PKD2L2: variants seen among roughly 807,000 people sequenced by gnomAD.
The protein encoded by PKD2L2 is polycystin-2-like protein 2.
PKD2L2 carries 67 observed loss-of-function variants against 83.9 expected under a neutral mutation model. The observed-to-expected ratio is 0.80, with a 90% CI of 0.66 to 0.98. The LOEUF (loss-of-function observed/expected upper bound fraction) is 0.98. Ranked by LOEUF, PKD2L2 falls within the 50% of genes least tolerant of loss-of-function variation. The pLI is 0.00. For synonymous variants in PKD2L2, 223 were observed against 237.8 expected, an observed-to-expected ratio of 0.94 and a Z score of 0.57; for missense variants, 632 against 717.2, an observed-to-expected ratio of 0.88 and a Z score of 1.36.
chr5:137,898,851 C>G (rs1265999847), intron 4 of PKD2L2, among the ~76,000 whole-genome samples: 1 of 152,068 alleles, frequency 6.6e-6, no homozygotes, highest in Non-Finnish European at 1.5e-5. Context: ...GCTTCAGACT[C>G]CTGAATAACG....
At position 137,906,207 on chromosome 5, in the gene PKD2L2, T is replaced by C. The variant is rs1295436551; in HGVS notation, c.748T>C (p.Leu250=). The C allele has an allele frequency of 5.7e-6, 9 of 1,585,446 alleles. No individual in the cohort carries two copies. The Admixed American group carries it at 8.7e-5, about 15-fold the overall frequency. ...GCTTTCACAAACCTGATTTTACAGA[T>C]TGGTGGCAGAATTCCCTGCAACTGG... ...ANVNLFCIIR[L]VAEFPATGGI... Residue 250 remains leucine (L), a splice_region_variant and synonymous_variant, in exon 6 of 15, where the codon TTG becomes CTG. Coordinates refer to ENST00000508883, the MANE Select transcript of PKD2L2 (RefSeq NM_001300921.2).
At chr5:137,915,133 C>A (rs545994155) in intron 8 of PKD2L2, among the ~76,000 whole-genome samples, 174 of 152,204 alleles carry the variant, frequency 1.1e-3, no homozygotes, top group Non-Finnish European at 1.5e-3. Flanking sequence ...ATGATAGCCA[C>A]GTAAAATGAG....
At chr5:137,891,322 C>A (rs926564304) in intron 2 of PKD2L2, among the ~76,000 whole-genome samples, 6 of 151,962 alleles carry the variant, frequency 3.9e-5, no homozygotes, top group Non-Finnish European at 8.8e-5. Flanking sequence ...TAAAATTAGC[C>A]AGGTGTGGTG....
intron 12 of PKD2L2, among the ~76,000 whole-genome samples, chr5:137,930,664 TAAAA>T (rs554720958): frequency 1.2e-5 from 1 of 84,688 alleles, no homozygotes. Flanking sequence ...AGACTCCATC[TAAAA>T]AAAAAAAAAA....
chr5:137,933,457 C>T (rs189822516), intron 12 of PKD2L2, among the ~76,000 whole-genome samples: 98 of 152,268 alleles, frequency 6.4e-4, no homozygotes, highest in African/African-American at 2.2e-3. Context: ...TAGCCACCAC[C>T]AGTATTCCTT....
intron 14 of PKD2L2, among the ~76,000 whole-genome samples, chr5:137,941,054 C>T (rs1249282075): frequency 6.6e-6 from 1 of 152,018 alleles, no homozygotes; most frequent in African/African-American, 2.4e-5. Context: ...TACAGGTGCC[C>T]GCCACCACGC....
rs1561678939 is a variant in PKD2L2, at chr5:137,899,684, T to G, written c.693T>G (p.Ile231Met). The change falls in exon 5 of 15, where the codon ATT (isoleucine) becomes ATG (methionine). Residue 231 changes from isoleucine (I) to methionine (M), a missense_variant. Ile to Met is a conservative substitution (Grantham distance 10, BLOSUM62 1). Transcript: ENST00000508883. ...GGATCACAAGAGGGACTAGAGTTAT[T>G]TTTATTGATTTTTCCTTATATAATG... is the stretch of plus-strand genomic sequence containing the variant. ...NSWITRGTRV[I>M]FIDFSLYNAN... 1 of 1,612,528 alleles carries G rather than the reference T, an allele frequency of 6.2e-7. No homozygotes were observed. The highest frequency in any genetic ancestry group is 1.3e-5 in the African/African-American group (1 of 75,018).
At position 137,921,556 on chromosome 5, in the gene PKD2L2, T is replaced by G; in HGVS notation, c.1329-80T>G. 4 of 856,712 alleles carry G rather than the reference T, an allele frequency of 4.7e-6. No individual in the cohort carries two copies. In the South Asian group the frequency reaches 4.7e-5, roughly 10 times the overall value. 53.1% of individuals were successfully genotyped at this position (856,712 alleles called of 1,614,324 possible). On this transcript the variant is annotated intron_variant, in intron 8 of 14. Transcript: ENST00000508883. ...ATACCATATGCTGCTAGATATCCTC[T>G]TAGAGACATTAGTAACTCCCATCAG...
chr5:137,922,951 A>G (rs1759046788), intron 9 of PKD2L2, among the ~76,000 whole-genome samples: 1 of 151,182 alleles, frequency 6.6e-6, no homozygotes, highest in Admixed American at 6.6e-5. Context: ...CCCATTTTTG[A>G]GCATATGGGT....
rs200807702 is a variant in PKD2L2 at position 137,894,461 on chromosome 5, C to T, written c.376C>T (p.Leu126=). The change falls in exon 4 of 15, where the codon CTA becomes TTA. Residue 126 remains leucine (L), a synonymous_variant. Coordinates refer to ENST00000508883, the MANE Select transcript of PKD2L2 (RefSeq NM_001300921.2). The stretch of plus-strand genomic sequence containing the variant: ...TCGCATCTACTATGAAAATATACTT[C>T]TAGGAGTTCCCAGAGTTCGTCAACT... The part of the protein sequence containing the change: ...SSRIYYENIL[L]GVPRVRQLKV... 9.3e-5 allele frequency: 150 copies of T among 1,613,768 alleles called. No individual in the cohort carries two copies. The highest frequency in any genetic ancestry group is 1.2e-4 in the Non-Finnish European group (137 of 1,179,782).
intron 8 of PKD2L2, among the ~76,000 whole-genome samples, chr5:137,913,134 C>T (rs1757993311): frequency 6.6e-6 from 1 of 150,922 alleles, no homozygotes; most frequent in Non-Finnish European, 1.5e-5. Flanking sequence ...CTCAACCTCC[C>T]AAAGTGCTGG....
In PKD2L2 at chr5:137,890,752, A is replaced by G. The variant is rs183245239; in HGVS notation, c.133+170A>G. On this transcript the variant is annotated intron_variant, in intron 2 of 14. Transcript: ENST00000508883. The stretch of plus-strand genomic sequence containing the variant: ...AAATTCATTTAGATTCATTTCATTT[A>G]GAAATTGACTATTTTCAGTTCTTAA... Among the ~76,000 whole-genome samples, 372 of 152,374 alleles carry G rather than the reference A, an allele frequency of 2.4e-3. 1 individual carries two copies. The highest frequency in any genetic ancestry group is 8.5e-3 in the African/African-American group (353 of 41,588).
chr5:137,892,909 A>C (rs1234094537), intron 3 of PKD2L2, among the ~76,000 whole-genome samples: 1 of 152,100 alleles, frequency 6.6e-6, no homozygotes, highest in African/African-American at 2.4e-5. Context: ...GGAGTTCAAG[A>C]CCAGCCTGAC....
Position 137,889,488 on chromosome 5 carries a change from C to A in PKD2L2, c.-4C>A. On this transcript the variant is annotated 5_prime_UTR_variant, in exon 1 of 15. Coordinates refer to ENST00000508883, the MANE Select transcript of PKD2L2 (RefSeq NM_001300921.2). ...ACGAACGGGCGGTGTAGTGCAGGTC[C>A]GCCATGGCTGAGGCGTCACGGTGGC... 3.2e-6 allele frequency: 5 copies of A among 1,570,864 alleles called. No individual in the cohort carries two copies. The highest frequency in any genetic ancestry group is 1.4e-5 in the African/African-American group (1 of 70,478).
At chr5:137,934,646 A>G (rs2034391618) in intron 12 of PKD2L2, among the ~76,000 whole-genome samples, 2 of 151,164 alleles carry the variant, frequency 1.3e-5, no homozygotes. Flanking sequence ...CGTCTCTACT[A>G]AAAAAAAATA....
intron 7 of PKD2L2, 142 bp downstream of exon 7, chr5:137,908,054 C>A: frequency 2.4e-6 from 1 of 415,244 alleles, no homozygotes; most frequent in Non-Finnish European, 4.2e-6. Flanking sequence ...GTGGCTCATA[C>A]CTGTACTCCT....
intron 8 of PKD2L2, among the ~76,000 whole-genome samples, chr5:137,920,043 C>T (rs1240019054): frequency 1.3e-5 from 2 of 152,072 alleles, no homozygotes; most frequent in Non-Finnish European, 2.9e-5. Context: ...ACTAAAAATA[C>T]AAAAATTAGC....
chr5:137,919,230 T>G (rs908515781), intron 8 of PKD2L2, among the ~76,000 whole-genome samples: 7 of 152,228 alleles, frequency 4.6e-5, no homozygotes, highest in Admixed American at 2.6e-4. Flanking sequence ...AACAGTATTT[T>G]CATTCAATAT....
chr5:137,933,147 A>G (rs755895710), intron 12 of PKD2L2, among the ~76,000 whole-genome samples: 1 of 152,166 alleles, frequency 6.6e-6, no homozygotes, highest in Non-Finnish European at 1.5e-5. Flanking sequence ...TAGGGAATGA[A>G]GCTTACAAAG....
Sources: gnomAD v4.1 joint callset for allele counts (sites outside exome capture counted in the v4.1 genomes callset) on GRCh38, gnomAD v4.1.1 for gene constraint, MANE v1.5 for transcripts, NCBI Gene and HGNC (gene_info 2026-07-23, HGNC 2026-07-21) for gene names.